SLC25A37: variants seen among roughly 807,000 people sequenced by gnomAD.
The protein encoded by SLC25A37 is solute carrier family 25 member 37, also known as mitoferrin-1.
A neutral mutation model predicts 31.0 loss-of-function variants in SLC25A37; 17 were observed. The ratio of observed to expected loss-of-function variants is 0.55; its 90% CI spans 0.38 to 0.82. SLC25A37 has a LOEUF of 0.82. Among genes scored for constraint, SLC25A37 ranks in the 40% least tolerant of loss-of-function variants. The probability of loss-of-function intolerance (pLI) is 0.00; values close to 1 mark genes in which losing one functional copy is unlikely to be tolerated. For missense variants in SLC25A37, 404 were observed against 465.8 expected, an observed-to-expected ratio of 0.87 and a Z score of 1.22; for synonymous variants, 222 against 193.0, an observed-to-expected ratio of 1.15 and a Z score of -1.24.
chr8:23,554,830 G>C (rs1264228516), intron 1 of SLC25A37, among the ~76,000 whole-genome samples: 1 of 152,196 alleles, frequency 6.6e-6, no homozygotes. Flanking sequence ...GGTAGGGAAG[G>C]CTTCTGTTGC....
chr8:23,561,040 T>A (rs1033016396), intron 1 of SLC25A37, among the ~76,000 whole-genome samples: 6 of 152,216 alleles, frequency 3.9e-5, no homozygotes, highest in African/African-American at 1.4e-4. Flanking sequence ...AAGTGAATCA[T>A]GGTCTTGCAC....
intron 1 of SLC25A37, among the ~76,000 whole-genome samples, chr8:23,530,241 G>T (rs1168555229): frequency 6.6e-6 from 1 of 152,164 alleles, no homozygotes; most frequent in African/African-American, 2.4e-5. Flanking sequence ...ACCTTGCCCA[G>T]GCTCCTACAC....
intron 1 of SLC25A37, among the ~76,000 whole-genome samples, chr8:23,560,551 G>A (rs1383003658): frequency 3.3e-5 from 5 of 152,204 alleles, no homozygotes; most frequent in Admixed American, 6.5e-5. Flanking sequence ...CAGGCAGGTG[G>A]AAGAAATGAT....
At chr8:23,566,599 T>C (rs1802666967) in intron 2 of SLC25A37, 4 of 1,203,020 alleles carry the variant, frequency 3.3e-6, no homozygotes, top group East Asian at 4.1e-5. Context: ...TTTATTGTTA[T>C]GTGGGTTTTC....
chr8:23,532,329 G>A (rs1801677420), intron 1 of SLC25A37, among the ~76,000 whole-genome samples: 1 of 152,200 alleles, frequency 6.6e-6, no homozygotes, highest in African/African-American at 2.4e-5. Flanking sequence ...GGTCTCTGCA[G>A]GGCTCTCACC....
In SLC25A37 at chr8:23,549,896, T is replaced by C. The variant is rs1802176575; in HGVS notation, c.211-16212T>C. Reference sequence around the variant, plus strand: ...GGTGCATTGCGCTAGGGGAGACAGATCCACAGCAGGCAGAATTTGAGGAGG... The same window carrying C: ...GGTGCATTGCGCTAGGGGAGACAGACCCACAGCAGGCAGAATTTGAGGAGG... On this transcript the variant is annotated intron_variant, in intron 1 of 3. Coordinates refer to ENST00000519973, the MANE Select transcript of SLC25A37 (RefSeq NM_016612.4). Among the ~76,000 whole-genome samples, 4 of 138,454 alleles carry C rather than the reference T, an allele frequency of 2.9e-5. 1 individual carries two copies. The highest frequency in any genetic ancestry group is 2.8e-4 in the Admixed American group (4 of 14,328). The allele number at this position is 138,454 out of a possible 152,430, so 90.8% of individuals were successfully genotyped here. A position where few individuals can be genotyped will look rare whatever the true frequency, so the allele number is the denominator to read the frequency against.
At chr8:23,546,512 GGT>G (rs1491552720) in intron 1 of SLC25A37, among the ~76,000 whole-genome samples, 4 of 66,950 alleles carry the variant, frequency 6.0e-5, no homozygotes, top group Non-Finnish European at 1.1e-4. Context: ...TATATATATA[GGT>G]ATATATATAT....
chr8:23,569,953 C>T (rs577923692), intron 3 of SLC25A37, among the ~76,000 whole-genome samples: 21 of 152,302 alleles, frequency 1.4e-4, no homozygotes, highest in African/African-American at 4.8e-4. Context: ...CATTTTAAGT[C>T]TCATGCTATA....
chr8:23,538,155 C>T (rs939201799), intron 1 of SLC25A37, among the ~76,000 whole-genome samples: 1 of 151,246 alleles, frequency 6.6e-6, no homozygotes, highest in Non-Finnish European at 1.5e-5. Context: ...CCGAGGCGGG[C>T]AGATCACCTG....
At chr8:23,537,884 T>TCCCCACCTG (rs1432375542) in intron 1 of SLC25A37, among the ~76,000 whole-genome samples, 6 of 152,166 alleles carry the variant, frequency 3.9e-5, no homozygotes, top group Admixed American at 6.5e-5. Flanking sequence ...CCCCACCTGA[T>TCCCCACCTG]AATCCCTCAG....
intron 1 of SLC25A37, among the ~76,000 whole-genome samples, chr8:23,558,132 A>G (rs1802416664): frequency 6.6e-6 from 1 of 152,226 alleles, no homozygotes; most frequent in African/African-American, 2.4e-5. Flanking sequence ...TAGAAATGCC[A>G]CGTGAACTTC....
intron 1 of SLC25A37, among the ~76,000 whole-genome samples, chr8:23,544,416 TG>T: frequency 6.6e-6 from 1 of 152,260 alleles, no homozygotes; most frequent in Middle Eastern, 3.4e-3. Context: ...GATGCGTGAC[TG>T]TAATTAAGGA....
intron 1 of SLC25A37, among the ~76,000 whole-genome samples, chr8:23,530,871 C>G (rs1251032114): frequency 6.6e-6 from 1 of 152,168 alleles, no homozygotes; most frequent in Non-Finnish European, 1.5e-5. Flanking sequence ...CTTCTGAGCA[C>G]CCTTTGACAC....
intron 1 of SLC25A37, among the ~76,000 whole-genome samples, chr8:23,563,175 A>G (rs1802560800): frequency 6.6e-6 from 1 of 152,060 alleles, no homozygotes; most frequent in African/African-American, 2.4e-5. Context: ...TGCTTATAAT[A>G]TATCCCTTTT....
intron 1 of SLC25A37, among the ~76,000 whole-genome samples, chr8:23,545,865 G>A (rs11778247): frequency 0.14 from 21,468 of 152,056 alleles, 1,969 homozygotes; most frequent in Admixed American, 0.25. Context: ...GGCCGGGCGC[G>A]GTGGCTCATG....
chr8:23,563,704 G>A (rs948339079), intron 1 of SLC25A37, among the ~76,000 whole-genome samples: 6 of 152,308 alleles, frequency 3.9e-5, no homozygotes, highest in African/African-American at 1.4e-4. Context: ...TAAACTGGCC[G>A]GGTGCAGTGG....
intron 2 of SLC25A37, 109 bp from the exon 3 acceptor site, chr8:23,568,213 A>C: frequency 8.7e-7 from 1 of 1,151,350 alleles, no homozygotes; most frequent in Non-Finnish European, 1.3e-6. Flanking sequence ...CTGGTAGTAC[A>C]TTTTGCTTCT....
At chr8:23,553,290 C>T (rs1802277386) in intron 1 of SLC25A37, among the ~76,000 whole-genome samples, 1 of 152,104 alleles carries the variant, frequency 6.6e-6, no homozygotes, top group African/African-American at 2.4e-5. Flanking sequence ...TGTGTGGTAG[C>T]ATGCGCCTGT....
chr8:23,540,489 T>C (rs568645416), intron 1 of SLC25A37, among the ~76,000 whole-genome samples: 14 of 152,238 alleles, frequency 9.2e-5, no homozygotes, highest in Non-Finnish European at 1.9e-4. Flanking sequence ...CTCTAACGTA[T>C]AGTTAGGAGT....
Sources: allele counts gnomAD v4.1 joint callset (sites outside exome capture counted in the v4.1 genomes callset), GRCh38; gene constraint gnomAD v4.1.1; transcripts MANE v1.5; gene names NCBI Gene and HGNC (gene_info 2026-07-23, HGNC 2026-07-21).